The following CLSTN2 variants were observed in gnomAD, a reference collection of about 807,000 sequenced individuals.
CLSTN2 encodes calsyntenin 2, also known as calsyntenin-2.
In CLSTN2, 48 loss-of-function variants were observed where a neutral mutation model predicts 101.2. The observed-to-expected ratio is 0.47, with a 90% confidence interval of 0.38 to 0.60. CLSTN2 has a LOEUF of 0.60. CLSTN2 is among the 20% of genes least tolerant of loss of function. CLSTN2 has a pLI of 0.00. For synonymous variants in CLSTN2, 481 were observed against 463.6 expected, an observed-to-expected ratio of 1.04 and a Z score of -0.48; for missense variants, 1,160 against 1,238.2, an observed-to-expected ratio of 0.94 and a Z score of 0.95.
At chr3:140,236,884 A>G (rs1243746605) in intron 2 of CLSTN2, among the ~76,000 whole-genome samples, 1 of 139,788 alleles carries the variant, frequency 7.2e-6, no homozygotes, top group Non-Finnish European at 1.5e-5. Context: ...TCACTGTCTT[A>G]CCTTCTCATG....
chr3:140,551,789 A>T (rs1045698405), intron 10 of CLSTN2, among the ~76,000 whole-genome samples: 14 of 149,174 alleles, frequency 9.4e-5, no homozygotes, highest in Admixed American at 2.0e-4. Context: ...TTAATTATAC[A>T]TCTAAATTAT....
At chr3:140,339,058 T>C (rs958774634) in intron 2 of CLSTN2, among the ~76,000 whole-genome samples, 3 of 152,182 alleles carry the variant, frequency 2.0e-5, no homozygotes, top group Non-Finnish European at 4.4e-5. Flanking sequence ...TGCCGTGTGC[T>C]GGCAGACGTG....
chr3:140,121,904 G>A lies in CLSTN2; in HGVS notation c.110-54047G>A, dbSNP rs527554230. On this transcript the variant is annotated intron_variant, in intron 1 of 16. Coordinates refer to ENST00000458420, the MANE Select transcript of CLSTN2 (RefSeq NM_022131.3). The stretch of plus-strand genomic sequence containing the variant: ...GAACAGGCAAACACAGGCAGGATCT[G>A]GCTTGATCTTACCTTCCCTCCTGAG... Among the ~76,000 whole-genome samples the A allele has an allele frequency of 6.6e-5, 10 of 152,248 alleles. No individual in the cohort carries two copies. The South Asian group carries it at 1.7e-3, about 25-fold the overall frequency.
intron 1 of CLSTN2, among the ~76,000 whole-genome samples, chr3:140,087,918 G>A (rs769721810): frequency 1.3e-5 from 2 of 152,158 alleles, no homozygotes; most frequent in African/African-American, 2.4e-5. Context: ...TGCTTACAGC[G>A]TAAATTGCAC....
At chr3:140,051,245 G>A (rs1355113086) in intron 1 of CLSTN2, among the ~76,000 whole-genome samples, 3 of 152,236 alleles carry the variant, frequency 2.0e-5, no homozygotes, top group African/African-American at 7.2e-5. Flanking sequence ...GAGAGAGGCT[G>A]TCTGGAGAAG....
intron 1 of CLSTN2, among the ~76,000 whole-genome samples, chr3:140,163,674 G>A (rs919737961): frequency 3.3e-5 from 5 of 150,976 alleles, no homozygotes; most frequent in Admixed American, 2.7e-4. Flanking sequence ...ACCATCCAGG[G>A]AGGAAATTTC....
At chr3:140,016,137 G>A (rs566115058) in intron 1 of CLSTN2, among the ~76,000 whole-genome samples, 5 of 152,182 alleles carry the variant, frequency 3.3e-5, no homozygotes, top group Non-Finnish European at 5.9e-5. Context: ...AGGCATGGCT[G>A]TGGGGTGGGT....
chr3:140,423,561 G>A (rs2088529560), intron 5 of CLSTN2, among the ~76,000 whole-genome samples: 1 of 152,190 alleles, frequency 6.6e-6, no homozygotes, highest in African/African-American at 2.4e-5. Flanking sequence ...CTACTTCATA[G>A]TGGCTTCCCT....
At chr3:139,944,708 C>T (rs968536164) in intron 1 of CLSTN2, among the ~76,000 whole-genome samples, 10 of 152,224 alleles carry the variant, frequency 6.6e-5, no homozygotes, top group South Asian at 2.1e-4. Flanking sequence ...CTGCTGCCCA[C>T]GCTGGCTGCA....
chr3:140,561,161 A>G (rs1576378448), intron 12 of CLSTN2, among the ~76,000 whole-genome samples: 1 of 152,116 alleles, frequency 6.6e-6, no homozygotes, highest in South Asian at 2.1e-4. Context: ...ATAAATAAAT[A>G]TACTTATTTA....
intron 2 of CLSTN2, among the ~76,000 whole-genome samples, chr3:140,374,346 C>G (rs1334636460): frequency 1.3e-5 from 2 of 152,140 alleles, no homozygotes. Flanking sequence ...TCCTCCTCCT[C>G]TCAGTCTGTC....
chr3:140,208,389 T>C (rs2010811004), intron 2 of CLSTN2, among the ~76,000 whole-genome samples: 1 of 152,226 alleles, frequency 6.6e-6, no homozygotes. Context: ...CTTCACTAAC[T>C]TTATCTCTTT....
At chr3:140,077,885 C>T (rs1397858967) in intron 1 of CLSTN2, among the ~76,000 whole-genome samples, 2 of 146,806 alleles carry the variant, frequency 1.4e-5, no homozygotes, top group South Asian at 2.1e-4. Context: ...TTTATATGAA[C>T]TCTCCTGGAA....
chr3:140,521,334 GTTTGTTTTTCT>G (rs1477011525), intron 8 of CLSTN2, among the ~76,000 whole-genome samples: 1 of 152,222 alleles, frequency 6.6e-6, no homozygotes, highest in African/African-American at 2.4e-5. Flanking sequence ...GTTATTTTCT[GTTTGTTTTTCT>G]TTTAACAGTC....
intron 1 of CLSTN2, among the ~76,000 whole-genome samples, chr3:139,974,329 A>G (rs1935773710): frequency 6.6e-6 from 1 of 152,196 alleles, no homozygotes; most frequent in African/African-American, 2.4e-5. Context: ...CCTGGACTCA[A>G]CCAAGACATG....
intron 1 of CLSTN2, among the ~76,000 whole-genome samples, chr3:139,981,233 C>A (rs1385072830): frequency 1.3e-5 from 2 of 152,176 alleles, no homozygotes; most frequent in Non-Finnish European, 2.9e-5. Flanking sequence ...CCACCCACCC[C>A]CGAATTGCCC....
chr3:140,203,925 A>G (rs1041937471), intron 2 of CLSTN2, among the ~76,000 whole-genome samples: 2 of 152,170 alleles, frequency 1.3e-5, no homozygotes, highest in African/African-American at 4.8e-5. Flanking sequence ...TGCTGGAGAA[A>G]TGTGTCTCTC....
chr3:140,563,249 G>A, intron 15 of CLSTN2, 46 bp downstream of exon 15: 1 of 1,594,430 alleles, frequency 6.3e-7, no homozygotes. Flanking sequence ...GGTCGTCATT[G>A]TGACTCAAGA....
intron 8 of CLSTN2, among the ~76,000 whole-genome samples, chr3:140,522,874 T>A (rs139023237): frequency 6.8e-6 from 1 of 147,286 alleles, no homozygotes; most frequent in East Asian, 2.2e-4. Context: ...AGTTTAATCA[T>A]TTGCTGTGTT....
Sources: gnomAD v4.1 joint callset for allele counts (sites outside exome capture counted in the v4.1 genomes callset) on GRCh38, gnomAD v4.1.1 for gene constraint, MANE v1.5 for transcripts, NCBI Gene and HGNC (gene_info 2026-07-23, HGNC 2026-07-21) for gene names.